The following F12 variants were observed in gnomAD, a reference collection of about 807,000 sequenced individuals.
F12 encodes the protein coagulation factor XII.
A neutral mutation model predicts 74.8 loss-of-function variants in F12; 70 were observed. The ratio of observed to expected loss-of-function variants is 0.94; its 90% confidence interval spans 0.77 to 1.14. The LOEUF is 1.14. F12 is among the 50% of genes most tolerant of loss of function. The pLI, the probability that F12 is intolerant of heterozygous loss-of-function variation, is 0.00. For missense variants in F12, 811 were observed against 835.7 expected (o/e 0.97, Z 0.36); for synonymous variants, 373 against 356.4 (o/e 1.05, Z -0.52).
intron 4 of F12, 80 bp downstream of exon 4, chr5:177,405,655 G>T: frequency 7.1e-7 from 1 of 1,414,936 alleles, no homozygotes; most frequent in Non-Finnish European, 1.0e-6. Flanking sequence ...AATCCCAGGT[G>T]TGTGGGGTCT....
intron 3 of F12, 69 bp from the exon 4 acceptor site, chr5:177,405,874 C>T: frequency 1.2e-6 from 2 of 1,601,932 alleles, no homozygotes; most frequent in Non-Finnish European, 1.7e-6. Context: ...TCACAGTCCC[C>T]TCTCTCCAAG....
At chr5:177,406,339 A>G (rs959475014) in intron 2 of F12, among the ~76,000 whole-genome samples, 9 of 152,082 alleles carry the variant, frequency 5.9e-5, no homozygotes, top group African/African-American at 2.2e-4. Flanking sequence ...ATACAAAAAA[A>G]TTAGCTGGGG....
chr5:177,406,332 C>T (rs946872595), intron 2 of F12, among the ~76,000 whole-genome samples: 1 of 151,980 alleles, frequency 6.6e-6, no homozygotes, highest in African/African-American at 2.4e-5. Flanking sequence ...ACTAAAAATA[C>T]AAAAAAATTA....
chr5:177,409,423 G>T, intron 1 of F12, 48 bp downstream of exon 1: 2 of 1,599,588 alleles, frequency 1.3e-6, no homozygotes, highest in South Asian at 2.2e-5. Context: ...CTGTGATAGC[G>T]ACCCCCCAGA....
rs753695883 is a variant in F12, at chr5:177,404,318, G to A, written c.896C>T (p.Thr299Ile). 3 of 1,605,710 alleles carry A rather than the reference G, an allele frequency of 1.9e-6. No individual in the cohort carries two copies. The highest frequency in any genetic ancestry group is 1.7e-5 in the Admixed American group (1 of 59,056). The change falls in exon 9 of 14, where the codon ACC (threonine) becomes ATC (isoleucine). Residue 299 changes from threonine to isoleucine, a missense_variant. Physicochemically the swap from Thr to Ile is moderately conservative, Grantham distance 89. Transcript: ENST00000253496. ...YCDLAQCQTPTQAAPPTPVSP... is the reference protein window; with the variant it reads ...YCDLAQCQTPIQAAPPTPVSP... ...CACCGGGGTCGGAGGCGCCGCCTGG[G>A]TTGGGGTCTGGCACTGTGCCAGGTC...
intron 1 of F12, 48 bp from the exon 2 acceptor site, chr5:177,409,151 G>A: frequency 6.5e-7 from 1 of 1,528,000 alleles, no homozygotes; most frequent in Non-Finnish European, 8.9e-7. Flanking sequence ...GTCATAGCCT[G>A]CCACCGATCT....
At position 177,402,306 on chromosome 5, in the gene F12, G is replaced by T; in HGVS notation, c.1834C>A (p.His612Asn). 1 of 1,613,796 alleles carries T rather than the reference G, an allele frequency of 6.2e-7. No individual in the cohort carries two copies. Among genetic ancestry groups the T allele is most frequent in the Non-Finnish European group, 8.5e-7 (1 of 1,179,998 alleles). Residue 612 changes from histidine to asparagine, a missense_variant, in exon 14 of 14, where the codon CAC (histidine) becomes AAC (asparagine). Physicochemically the swap from His to Asn is moderately conservative, Grantham distance 68. Coordinates refer to ENST00000253496, the MANE Select transcript of F12 (RefSeq NM_000505.4). ...TCCCTGAGCAATCAGGAAACGGTGT[G>T]CTCCCGGATCCAGGCCAGGTAGTAG... is the stretch of plus-strand genomic sequence containing the variant. ...VAYYLAWIRE[H>N]TVS is the part of the protein sequence containing the mutation.
intron 2 of F12, among the ~76,000 whole-genome samples, chr5:177,407,230 C>T (rs1763314357): frequency 6.6e-6 from 1 of 152,164 alleles, no homozygotes; most frequent in Non-Finnish European, 1.5e-5. Context: ...TCACAGGAAC[C>T]TAATACTGTT....
chr5:177,402,194 G>A lies in F12; in HGVS notation c.*98C>T. ...TCCTGCGCCATCCTGGCGCGGAGCT[G>A]GCCGCACTGGGGGAATGGGACACAA... On this transcript the variant is annotated 3_prime_UTR_variant, in exon 14 of 14. Transcript: ENST00000253496. 6.7e-7 allele frequency: 1 copy of A among 1,489,838 alleles called. No individual in the cohort carries two copies. The highest frequency in any genetic ancestry group is 9.2e-7 in the Non-Finnish European group (1 of 1,088,820). 92.3% of individuals were successfully genotyped at this position (1,489,838 alleles called of 1,614,324 possible).
chr5:177,404,685 C>T (rs560522057), intron 7 of F12, 21 bp from the exon 8 acceptor site: 5 of 1,606,764 alleles, frequency 3.1e-6, no homozygotes, highest in African/African-American at 2.7e-5. Flanking sequence ...AGGGGGCTCC[C>T]TGGGCAGCCA....
chr5:177,404,980 G>C, intron 6 of F12, 66 bp from the exon 7 acceptor site: 2 of 1,589,248 alleles, frequency 1.3e-6, no homozygotes, highest in South Asian at 1.1e-5. Flanking sequence ...TCTCCTTCCT[G>C]GCACACCACC....
Position 177,404,543 on chromosome 5 carries a change from G to C in F12, c.756C>G (p.Ala252=). The change falls in exon 8 of 14, where the codon GCC becomes GCG. Residue 252 remains alanine (A), a synonymous_variant. Coordinates refer to ENST00000253496, the MANE Select transcript of F12 (RefSeq NM_000505.4). ...CCAGTCCCCAGTTCCGCGCTTGCTCGGCAGTCACGTTCCGGTAGGTGGCCT... is the reference window on the plus strand; with the variant it reads ...CCAGTCCCCAGTTCCGCGCTTGCTCCGCAGTCACGTTCCGGTAGGTGGCCT... The part of the protein sequence containing the change: ...ASEATYRNVT[A]EQARNWGLGG... 1 of 1,603,102 alleles carries C rather than the reference G, an allele frequency of 6.2e-7. No homozygotes were observed. Among genetic ancestry groups the C allele is most frequent in the Non-Finnish European group, 8.5e-7 (1 of 1,175,810 alleles).
rs545941111 is a variant in F12, at chr5:177,403,425, C to T, written c.1388-28G>A. On this transcript the variant is annotated intron_variant, in intron 11 of 13. Transcript: ENST00000253496. ...AACCCGGGCGGAGAGGAGCGTGAGG[C>T]GGGGACGCCGGGGCCCCAAGCTCTC... 3.8e-6 allele frequency: 6 copies of T among 1,569,836 alleles called. No homozygotes were observed. The South Asian group carries it at 6.8e-5, about 18-fold the overall frequency.
chr5:177,403,346 G>A lies in F12; in HGVS notation c.1439C>T (p.Pro480Leu), dbSNP rs1299254086. 6.3e-7 allele frequency: 1 copy of A among 1,599,184 alleles called. No homozygotes were observed. The highest frequency in any genetic ancestry group is 1.1e-5 in the South Asian group (1 of 91,042). ...DADGSCALLS[P>L]YVQPVCLPSG... ...TGGCAGGCACACCGGCTGAACGTAA[G>A]GCGACAGGAGCGCGCAGCTGCCGTC... The change falls in exon 12 of 14, where the codon CCT becomes CTT. Residue 480 changes from proline to leucine, a missense_variant. By Grantham distance (98) the Pro-to-Leu change is moderately conservative. Coordinates refer to ENST00000253496, the MANE Select transcript of F12 (RefSeq NM_000505.4).
chr5:177,405,555 C>T lies in F12; in HGVS notation c.287-122G>A, dbSNP rs538797824. ...ACTCCAAGTTTCCAAGCTTGGTTTA[C>T]CCACCTGCAAAATGGGACCACTCCT... is the stretch of plus-strand genomic sequence containing the variant. On this transcript the variant is annotated intron_variant, in intron 4 of 13. Transcript: ENST00000253496. The T allele has an allele frequency of 2.8e-3, 3,450 of 1,252,750 alleles. 14 individuals are homozygous for T. Among genetic ancestry groups the T allele is most frequent in the Non-Finnish European group, 3.6e-3 (3,178 of 875,640 alleles). The allele number at this position is 1,252,750 out of a possible 1,614,324, so 77.6% of individuals were successfully genotyped here. A position where few individuals can be genotyped will look rare whatever the true frequency, so the allele number is the denominator to read the frequency against.
Position 177,403,305 on chromosome 5 carries a change from G to A in F12, c.1480C>T (p.Pro494Ser), listed in dbSNP as rs1763187819. The change falls in exon 12 of 14, where the codon CCC becomes TCC. Residue 494 changes from proline (P) to serine (S), a missense_variant. Pro to Ser is a moderately conservative substitution (Grantham distance 74). Coordinates refer to ENST00000253496, the MANE Select transcript of F12 (RefSeq NM_000505.4). ...ACCTGGCAGAGCGTGGTCTCGGAGG[G>A]TCGCGCGGCGCCGCTTGGCAGGCAC... Reference protein sequence around the residue: ...PVCLPSGAARPSETTLCQVAG... With the variant: ...PVCLPSGAARSSETTLCQVAG... 1 of 1,599,696 alleles carries A rather than the reference G, an allele frequency of 6.3e-7. No individual in the cohort carries two copies. Among genetic ancestry groups the A allele is most frequent in the African/African-American group, 1.3e-5 (1 of 75,000 alleles).
chr5:177,402,693 C>T lies in F12; in HGVS notation c.1537G>A (p.Glu513Lys). Residue 513 changes from glutamate to lysine, a missense_variant, in exon 13 of 14, where the codon GAG (glutamate) becomes AAG (lysine). Glu to Lys is a moderately conservative substitution (Grantham distance 56). Transcript: ENST00000253496. The stretch of plus-strand genomic sequence containing the variant: ...TCCTGCAGGAAGCTGGCATATTCCT[C>T]CGCCCCTGCGAACACAGAGCGCCTT... ...AGWGHQFEGA[E>K]EYASFLQEAQ... The T allele has an allele frequency of 6.2e-7, 1 of 1,611,592 alleles. No individual in the cohort carries two copies. Among genetic ancestry groups the T allele is most frequent in the Non-Finnish European group, 8.5e-7 (1 of 1,179,982 alleles).
rs777617597 is a variant in F12 at position 177,402,697 on chromosome 5, C to G, written c.1533G>C (p.Gly511=). 6 of 1,611,432 alleles carry G rather than the reference C, an allele frequency of 3.7e-6. No individual in the cohort carries two copies. Among genetic ancestry groups the G allele is most frequent in the Non-Finnish European group, 2.5e-6 (3 of 1,180,000 alleles). The part of the protein sequence containing the change: ...QVAGWGHQFE[G]AEEYASFLQE... ...GCAGGAAGCTGGCATATTCCTCCGC[C>G]CCTGCGAACACAGAGCGCCTTCTTC... The change falls in exon 13 of 14, where the codon GGG becomes GGC. Residue 511 remains glycine (G), a splice_region_variant and synonymous_variant. Coordinates refer to ENST00000253496, the MANE Select transcript of F12 (RefSeq NM_000505.4).
rs552424629 is a variant in F12, at chr5:177,404,183, C to A, written c.1018+13G>T. On this transcript the variant is annotated intron_variant, in intron 9 of 13. Coordinates refer to ENST00000253496, the MANE Select transcript of F12 (RefSeq NM_000505.4). Reference sequence around the variant, plus strand: ...GCCCTCTCGGCTCCTCCTTCCCCCCCCCACTTCCTAACCTCCCGGGGTCTG... The same window carrying A: ...GCCCTCTCGGCTCCTCCTTCCCCCCACCACTTCCTAACCTCCCGGGGTCTG... The A allele has an allele frequency of 2.1e-5, 33 of 1,594,804 alleles. No individual in the cohort carries two copies. Among genetic ancestry groups the A allele is most frequent in the Admixed American group, 3.5e-5 (2 of 57,082 alleles).
Sources: allele counts gnomAD v4.1 joint callset (sites outside exome capture counted in the v4.1 genomes callset), GRCh38; gene constraint gnomAD v4.1.1; transcripts MANE v1.5; gene names NCBI Gene and HGNC (gene_info 2026-07-23, HGNC 2026-07-21).